Variants in ZMYND8 observed in about 807,000 individuals in gnomAD.
The protein encoded by ZMYND8 is MYND-type zinc finger-containing chromatin reader ZMYND8.
Under a neutral mutation model 140.8 loss-of-function variants are expected in ZMYND8, and 37 were observed. That is an observed-to-expected ratio of 0.26 (90% confidence interval 0.20 to 0.35). The LOEUF is 0.35. Ranked by LOEUF, ZMYND8 falls within the 10% of genes least tolerant of loss-of-function variation. The pLI is 1.00. For missense variants in ZMYND8, 1,068 were observed against 1,570.0 expected (o/e 0.68, Z 5.40); for synonymous variants, 592 against 597.1 (o/e 0.99, Z 0.12).
intron 2 of ZMYND8, among the ~76,000 whole-genome samples, chr20:47,327,633 G>A (rs142435359): frequency 9.9e-4 from 150 of 152,134 alleles, no homozygotes; most frequent in African/African-American, 3.3e-3. Flanking sequence ...TTCAGCCTGC[G>A]CGGCAGAGTA....
chr20:47,298,879 TACA>T lies in ZMYND8; in HGVS notation c.300_302del (p.Val101del). 1.9e-6 allele frequency: 3 copies of T among 1,614,188 alleles called. No individual in the cohort carries two copies. The highest frequency in any genetic ancestry group is 2.5e-6 in the Non-Finnish European group (3 of 1,180,040). ...AGAAATCATTCCGTCCATCCTGCGG[TACA>T]ACATCAACAGGGTCTGTGGTGAGTG... On this transcript the variant is annotated inframe_deletion, in exon 4 of 23. Coordinates refer to ENST00000471951, the MANE Select transcript of ZMYND8 (RefSeq NM_001281775.3). This position sits in a 1 kb window ranked among gnomAD's most constrained non-coding sequence, Gnocchi z 5.0.
intron 12 of ZMYND8, among the ~76,000 whole-genome samples, chr20:47,254,152 C>T (rs1283638923): frequency 6.6e-6 from 1 of 152,212 alleles, no homozygotes; most frequent in African/African-American, 2.4e-5. Context: ...CAGAATCCAC[C>T]CTTGCTGCCA....
At chr20:47,241,277 A>AG (rs2039934162) in intron 14 of ZMYND8, among the ~76,000 whole-genome samples, 1 of 143,652 alleles carries the variant, frequency 7.0e-6, no homozygotes. Context: ...CCTGGGTGAC[A>AG]GGGCGAGACT....
chr20:47,279,824 T>A (rs990640590), intron 10 of ZMYND8, among the ~76,000 whole-genome samples: 3 of 151,384 alleles, frequency 2.0e-5, no homozygotes, highest in Admixed American at 1.3e-4. Context: ...TAACTGTGCA[T>A]CTATAAAACA....
chr20:47,251,100 C>T (rs1303565321), intron 12 of ZMYND8, among the ~76,000 whole-genome samples: 1 of 152,000 alleles, frequency 6.6e-6, no homozygotes, highest in Non-Finnish European at 1.5e-5. Context: ...CCTCCCAGAC[C>T]CAGGGAGATT....
chr20:47,317,582 A>C (rs1490933610), intron 2 of ZMYND8, among the ~76,000 whole-genome samples: 1 of 152,236 alleles, frequency 6.6e-6, no homozygotes, highest in African/African-American at 2.4e-5. Flanking sequence ...GTCGACAGCA[A>C]GCCTGCTGGG....
intron 3 of ZMYND8, among the ~76,000 whole-genome samples, chr20:47,309,648 A>G (rs1352559366): frequency 6.6e-6 from 1 of 152,124 alleles, no homozygotes; most frequent in Non-Finnish European, 1.5e-5. Context: ...TGAGGCCAGA[A>G]GGGAACTTGC....
At chr20:47,249,162 A>T in intron 13 of ZMYND8, 125 bp downstream of exon 13, 2 of 1,149,408 alleles carry the variant, frequency 1.7e-6, no homozygotes, top group Non-Finnish European at 2.4e-6. Flanking sequence ...CTGAGCAAAT[A>T]GTTGAAAGTT....
intron 12 of ZMYND8, 94 bp downstream of exon 12, chr20:47,262,194 T>G: frequency 6.4e-7 from 1 of 1,556,560 alleles, no homozygotes. Flanking sequence ...AGAAAAGAGT[T>G]GAAGGTTCAA....
At chr20:47,230,344 T>C (rs571876931) in intron 16 of ZMYND8, among the ~76,000 whole-genome samples, 1 of 151,512 alleles carries the variant, frequency 6.6e-6, no homozygotes, top group East Asian at 1.9e-4. Context: ...CAGACTGGAG[T>C]GCAGGGGCGT....
At chr20:47,323,650 AG>A (rs1322388608) in intron 2 of ZMYND8, among the ~76,000 whole-genome samples, 1 of 152,188 alleles carries the variant, frequency 6.6e-6, no homozygotes, top group Non-Finnish European at 1.5e-5. Flanking sequence ...CAAGGAAGCC[AG>A]GCTCAAAATC....
chr20:47,282,263 C>A, intron 9 of ZMYND8, 46 bp from the exon 10 acceptor site: 1 of 1,539,486 alleles, frequency 6.5e-7, no homozygotes, highest in South Asian at 1.1e-5. Context: ...TATTTGACAG[C>A]AAGATACTCA....
rs1491270070 is a variant in ZMYND8 at position 47,209,915 on chromosome 20, G to GT, written c.*845dup. 6.6e-6 allele frequency: 1 copy of GT among 152,614 alleles called. No homozygotes were observed. The highest frequency in any genetic ancestry group is 1.5e-5 in the Non-Finnish European group (1 of 68,030). The allele number at this position is 152,614 out of a possible 1,614,324, so 9.5% of individuals were successfully genotyped here. On this transcript the variant is annotated 3_prime_UTR_variant, in exon 23 of 23. Transcript: ENST00000471951. Reference sequence around the variant, plus strand: ...CAAGAAGCACAGCATCTCTGACCAAGTGTGTGTGAGTGTGTTTAAAGGAAC... The same window carrying GT: ...CAAGAAGCACAGCATCTCTGACCAAGTTGTGTGTGAGTGTGTTTAAAGGAAC...
At chr20:47,230,716 A>C (rs1008029094) in intron 16 of ZMYND8, among the ~76,000 whole-genome samples, 1 of 152,218 alleles carries the variant, frequency 6.6e-6, no homozygotes, top group Non-Finnish European at 1.5e-5. Flanking sequence ...TCATTCATTT[A>C]AAGTATACAA....
chr20:47,262,005 A>G (rs1006336687), intron 12 of ZMYND8, among the ~76,000 whole-genome samples: 8 of 151,954 alleles, frequency 5.3e-5, no homozygotes, highest in African/African-American at 1.9e-4. Flanking sequence ...CAGGAGGCGG[A>G]GGTTGCAGGG....
chr20:47,282,076 G>A (rs879032853), intron 10 of ZMYND8, 26 bp downstream of exon 10: 1 of 1,590,782 alleles, frequency 6.3e-7, no homozygotes, highest in South Asian at 1.1e-5. Context: ...AAAGCTACAT[G>A]TTCCAAGCCT....
intron 11 of ZMYND8, among the ~76,000 whole-genome samples, chr20:47,273,621 T>C (rs1391085441): frequency 6.6e-6 from 1 of 152,242 alleles, no homozygotes; most frequent in African/African-American, 2.4e-5. Context: ...ACGGCTGCTC[T>C]ATTTTCTTCT....
Position 47,221,381 on chromosome 20 carries a change from G to A in ZMYND8, c.3350C>T (p.Pro1117Leu), listed in dbSNP as rs1384342969. 6 of 1,614,228 alleles carry A rather than the reference G, an allele frequency of 3.7e-6. No individual in the cohort carries two copies. The highest frequency in any genetic ancestry group is 3.3e-5 in the South Asian group (3 of 91,084). The stretch of plus-strand genomic sequence containing the variant: ...TTTGGAGGCGCTGGCCGTTTCTGAA[G>A]GTGCTGATTGTGTGCTCGAGGAGCT... The part of the protein sequence containing the change: ...QGSSSSTQSA[P>L]SETASASKEK... The change falls in exon 20 of 23, where the codon CCT becomes CTT. Residue 1117 changes from proline to leucine, a missense_variant. Pro to Leu is a moderately conservative substitution (Grantham distance 98, BLOSUM62 -3). Around this residue, in one of 10 missense-constraint regions of ZMYND8, gnomAD observed 180 missense variants for 187.8 expected, o/e 0.96. Transcript: ENST00000471951.
chr20:47,261,751 A>G (rs1181441337), intron 12 of ZMYND8, among the ~76,000 whole-genome samples: 1 of 152,178 alleles, frequency 6.6e-6, no homozygotes, highest in Non-Finnish European at 1.5e-5. Context: ...GGTCAAGGAC[A>G]ACTGAGGTGG....
Sources: allele counts gnomAD v4.1 joint callset (sites outside exome capture counted in the v4.1 genomes callset), GRCh38; gene constraint gnomAD v4.1.1; regional missense constraint gnomAD v4.1.1; non-coding constraint Gnocchi (gnomAD v3.1); transcripts MANE v1.5; gene names NCBI Gene and HGNC (gene_info 2026-07-23, HGNC 2026-07-21).